Variants in CADPS observed in about 807,000 individuals in gnomAD.
The protein encoded by CADPS is calcium dependent secretion activator.
Under a neutral mutation model 167.3 loss-of-function variants are expected in CADPS, and 57 were observed. The ratio of observed to expected loss-of-function variants is 0.34; its 90% CI spans 0.28 to 0.42. The LOEUF (loss-of-function observed/expected upper bound fraction) is 0.42. Among genes scored for constraint, CADPS ranks in the 20% least tolerant of loss-of-function variants. CADPS has a pLI of 1.00. For synonymous variants in CADPS, 676 were observed against 635.3 expected (o/e 1.06, Z -0.96); for missense variants, 1,414 against 1,738.1 (o/e 0.81, Z 3.32).
At chr3:62,432,692 A>G (rs914867350) in intron 28 of CADPS, among the ~76,000 whole-genome samples, 1 of 152,130 alleles carries the variant, frequency 6.6e-6, no homozygotes, top group Non-Finnish European at 1.5e-5. Flanking sequence ...ATGGCATTTC[A>G]CCCTCATAAT....
chr3:62,846,150 G>A (rs1339549435), intron 1 of CADPS, among the ~76,000 whole-genome samples: 2 of 151,878 alleles, frequency 1.3e-5, no homozygotes, highest in East Asian at 3.9e-4. Context: ...GTTTCCTGCA[G>A]CCTCCCCAGC....
At chr3:62,547,597 CCCG>C (rs541494689) in intron 11 of CADPS, among the ~76,000 whole-genome samples, 2,285 of 118,714 alleles carry the variant, frequency 0.019, 105 homozygotes, top group African/African-American at 0.057. Flanking sequence ...CCCCCCCCCC[CCCG>C]CAAATTCTAA....
chr3:62,826,029 A>G (rs1444658865), intron 1 of CADPS, among the ~76,000 whole-genome samples: 2 of 152,188 alleles, frequency 1.3e-5, no homozygotes, highest in African/African-American at 4.8e-5. Context: ...ACTTATAAAT[A>G]ACTGAAAAAT....
intron 1 of CADPS, among the ~76,000 whole-genome samples, chr3:62,870,271 G>C (rs1342820621): frequency 1.3e-5 from 2 of 152,060 alleles, no homozygotes; most frequent in Non-Finnish European, 2.9e-5. Context: ...TTTTTAGACT[G>C]CAAGTCATAT....
chr3:62,756,360 C>T lies in CADPS; in HGVS notation c.556-2587G>A, dbSNP rs372013227. ...GGGATTACAGGCGTGAGCCACCATG[C>T]CTGGCCTGATTCTCCAATTTCTTAT... On this transcript the variant is annotated intron_variant, in intron 2 of 29. Coordinates refer to ENST00000383710, the MANE Select transcript of CADPS (RefSeq NM_003716.4). 2.7e-4 allele frequency among the ~76,000 whole-genome samples: 41 copies of T among 152,322 alleles called. No individual in the cohort carries two copies. In the East Asian group the frequency reaches 3.5e-3, roughly 13 times the overall value.
At chr3:62,808,906 C>T (rs1290354780) in intron 1 of CADPS, among the ~76,000 whole-genome samples, 1 of 152,152 alleles carries the variant, frequency 6.6e-6, no homozygotes, top group Non-Finnish European at 1.5e-5. Flanking sequence ...CCATCCTAAA[C>T]CTCTTCCTCC....
chr3:62,585,442 A>G (rs544480286), intron 7 of CADPS, 118 bp from the exon 8 acceptor site: 775 of 949,896 alleles, frequency 8.2e-4, no homozygotes, highest in Non-Finnish European at 1.1e-3. Context: ...TGGAGCAGCC[A>G]TACCTGGGGA....
chr3:62,861,499 G>C (rs541812532), intron 1 of CADPS, among the ~76,000 whole-genome samples: 2 of 152,284 alleles, frequency 1.3e-5, no homozygotes, highest in Non-Finnish European at 1.5e-5. Context: ...GATTTTCTAA[G>C]ATTTTTGTAC....
At chr3:62,742,541 A>T (rs1399459114) in intron 3 of CADPS, among the ~76,000 whole-genome samples, 2 of 152,232 alleles carry the variant, frequency 1.3e-5, no homozygotes, top group Non-Finnish European at 2.9e-5. Context: ...TTCCCTATTC[A>T]ACAAATGGTG....
chr3:62,715,026 C>T (rs559004564), intron 3 of CADPS, among the ~76,000 whole-genome samples: 35 of 152,258 alleles, frequency 2.3e-4, no homozygotes, highest in African/African-American at 7.9e-4. Context: ...GGCATCATAA[C>T]GGTTTCCTGC....
intron 10 of CADPS, 83 bp from the exon 11 acceptor site, chr3:62,550,198 T>G: frequency 1.8e-6 from 2 of 1,085,716 alleles, no homozygotes; most frequent in East Asian, 2.4e-5. Context: ...AAGCAGTTTC[T>G]GCTGCTTTTC....
intron 3 of CADPS, among the ~76,000 whole-genome samples, chr3:62,698,763 A>C (rs1580680095): frequency 3.3e-5 from 3 of 91,194 alleles, no homozygotes; most frequent in African/African-American, 9.4e-5. Context: ...TTTTTCAGAC[A>C]GGGTCTTGCT....
intron 3 of CADPS, among the ~76,000 whole-genome samples, chr3:62,722,019 A>G (rs1200825071): frequency 6.6e-6 from 1 of 152,224 alleles, no homozygotes; most frequent in Non-Finnish European, 1.5e-5. Context: ...TCCACTAAGG[A>G]TGCATGCATC....
chr3:62,643,292 C>T (rs1256666970), intron 6 of CADPS, among the ~76,000 whole-genome samples: 2 of 152,218 alleles, frequency 1.3e-5, no homozygotes, highest in African/African-American at 2.4e-5. Context: ...TGGATTTGGC[C>T]TCGAACCCTT....
At chr3:62,443,172 T>C (rs1009943903) in intron 27 of CADPS, among the ~76,000 whole-genome samples, 4 of 152,326 alleles carry the variant, frequency 2.6e-5, no homozygotes, top group East Asian at 1.9e-4. Context: ...TGTAAGGGCA[T>C]TGGCTTAAAT....
At chr3:62,490,824 C>T (rs2063568777) in intron 21 of CADPS, among the ~76,000 whole-genome samples, 1 of 152,150 alleles carries the variant, frequency 6.6e-6, no homozygotes, top group Admixed American at 6.5e-5. Flanking sequence ...TTCATTGGAA[C>T]ACAGCTACAC....
At chr3:62,583,932 T>C (rs1360235998) in intron 8 of CADPS, among the ~76,000 whole-genome samples, 1 of 151,970 alleles carries the variant, frequency 6.6e-6, no homozygotes. Context: ...TGTTTAGACC[T>C]GTCTTAATCA....
chr3:62,509,627 T>C (rs536091181), intron 17 of CADPS, among the ~76,000 whole-genome samples: 2 of 152,316 alleles, frequency 1.3e-5, no homozygotes, highest in African/African-American at 4.8e-5. Flanking sequence ...AGAAGGTTTC[T>C]GTCAATTGGA....
chr3:62,467,335 G>T, intron 24 of CADPS: 1 of 1,240,254 alleles, frequency 8.1e-7, no homozygotes, highest in Admixed American at 2.8e-5. Flanking sequence ...TGATTAATTA[G>T]GAACAGAAAA....
Sources: allele counts gnomAD v4.1 joint callset (sites outside exome capture counted in the v4.1 genomes callset), GRCh38; gene constraint gnomAD v4.1.1; transcripts MANE v1.5; gene names NCBI Gene and HGNC (gene_info 2026-07-23, HGNC 2026-07-21).